Variants in PAK2 observed in about 807,000 individuals in gnomAD.
PAK2 encodes the protein p21 (RAC1) activated kinase 2, also known as serine/threonine-protein kinase PAK 2.
In PAK2, 21 loss-of-function variants were observed where a neutral mutation model predicts 65.9. The ratio of observed to expected loss-of-function variants is 0.32; its 90% CI spans 0.23 to 0.46. PAK2 has a LOEUF of 0.46. PAK2 is among the 20% of genes least tolerant of loss of function. The probability of loss-of-function intolerance (pLI) is 1.00; values close to 1 mark genes in which losing one functional copy is unlikely to be tolerated. For synonymous variants in PAK2, 204 were observed against 219.7 expected (o/e 0.93, Z 0.63); for missense variants, 324 against 642.6 (o/e 0.50, Z 5.36).
At chr3:196,772,055 A>G (rs981403284) in intron 1 of PAK2, among the ~76,000 whole-genome samples, 5 of 152,034 alleles carry the variant, frequency 3.3e-5, no homozygotes, top group South Asian at 2.1e-4. Context: ...AGCTGCTTCT[A>G]TGTGTCCTTT....
chr3:196,772,768 G>A (rs1714399633), intron 1 of PAK2, among the ~76,000 whole-genome samples: 2 of 152,140 alleles, frequency 1.3e-5, no homozygotes, highest in East Asian at 1.9e-4. Context: ...GACGGGGCAG[G>A]TGGGGAGGGA....
Position 196,828,375 on chromosome 3 carries a change from A to T in PAK2, c.1545A>T (p.Ala515=). 2 of 1,609,468 alleles carry T rather than the reference A, an allele frequency of 1.2e-6. No homozygotes were observed. Among genetic ancestry groups the T allele is most frequent in the South Asian group, 2.2e-5 (2 of 90,832 alleles). ...CTAGCTTGACACCACTGATCATGGC[A>T]GCTAAAGAAGCAATGAAGAGTAACC... ...PLSSLTPLIM[A]AKEAMKSNR The change falls in exon 15 of 15, where the codon GCA becomes GCT. Residue 515 remains alanine, a synonymous_variant. Coordinates refer to ENST00000327134, the MANE Select transcript of PAK2 (RefSeq NM_002577.4).
intron 12 of PAK2, among the ~76,000 whole-genome samples, 179 bp downstream of exon 12, chr3:196,818,335 C>T (rs570521777): frequency 1.2e-4 from 19 of 152,192 alleles, no homozygotes; most frequent in Non-Finnish European, 2.1e-4. Context: ...AGAAAGGACT[C>T]GCTGGATAAG....
At chr3:196,773,900 G>T (rs950117479) in intron 1 of PAK2, among the ~76,000 whole-genome samples, 12 of 151,586 alleles carry the variant, frequency 7.9e-5, no homozygotes, top group Admixed American at 3.9e-4. Flanking sequence ...CAATTAGCCG[G>T]GCGTGGTGGC....
At position 196,832,387 on chromosome 3, in the gene PAK2, C is replaced by T. The variant is rs932962356; in HGVS notation, c.*3982C>T. 4 of 151,854 alleles carry T rather than the reference C, an allele frequency of 2.6e-5. No individual in the cohort carries two copies. Among genetic ancestry groups the T allele is most frequent in the East Asian group, 1.9e-4 (1 of 5,194 alleles). 9.4% of individuals were successfully genotyped at this position (151,854 alleles called of 1,614,324 possible). On this transcript the variant is annotated 3_prime_UTR_variant, in exon 15 of 15. Transcript: ENST00000327134. ...ATGCCTTTTATTTTTAATTTAATCC[C>T]GTTCAATTATTTAATTGTTATACAT...
At chr3:196,748,579 G>A (rs1048331576) in intron 1 of PAK2, among the ~76,000 whole-genome samples, 15 of 152,226 alleles carry the variant, frequency 9.9e-5, no homozygotes, top group African/African-American at 2.9e-4. Flanking sequence ...GAATTATATA[G>A]CGTGTAGCCT....
intron 13 of PAK2, among the ~76,000 whole-genome samples, chr3:196,824,843 A>G (rs1315043074): frequency 3.9e-5 from 6 of 151,980 alleles, no homozygotes; most frequent in Non-Finnish European, 8.8e-5. Flanking sequence ...AGGACTGTGT[A>G]ATGTAATACA....
intron 1 of PAK2, among the ~76,000 whole-genome samples, chr3:196,756,999 G>T (rs948221868): frequency 2.0e-5 from 3 of 152,174 alleles, no homozygotes; most frequent in Non-Finnish European, 4.4e-5. Flanking sequence ...GGAGGGGAAG[G>T]GGTTCTTATT....
At chr3:196,781,543 GTTTAAT>G (rs1008179071) in intron 1 of PAK2, among the ~76,000 whole-genome samples, 1 of 152,202 alleles carries the variant, frequency 6.6e-6, no homozygotes, top group African/African-American at 2.4e-5. Context: ...CATGCTCTGT[GTTTAAT>G]TTTGTCAGTA....
intron 10 of PAK2, among the ~76,000 whole-genome samples, chr3:196,813,533 CAG>C (rs1715895342): frequency 6.6e-6 from 1 of 150,966 alleles, no homozygotes; most frequent in South Asian, 2.1e-4. Flanking sequence ...AAAATGATAA[CAG>C]TGGTTTTATT....
intron 2 of PAK2, among the ~76,000 whole-genome samples, chr3:196,797,499 A>G (rs1434159562): frequency 4.0e-5 from 6 of 151,370 alleles, no homozygotes; most frequent in African/African-American, 9.7e-5. Context: ...CATGCCTGTA[A>G]TCCCAGCACT....
intron 1 of PAK2, among the ~76,000 whole-genome samples, chr3:196,740,416 C>A (rs1237435402): frequency 6.6e-6 from 1 of 152,152 alleles, no homozygotes; most frequent in Non-Finnish European, 1.5e-5. Flanking sequence ...TCTTCCTGGA[C>A]CCAGCCCTGC....
At position 196,789,499 on chromosome 3, in the gene PAK2, G is replaced by A. The variant is rs533847161; in HGVS notation, c.187+6666G>A. Among the ~76,000 whole-genome samples the A allele has an allele frequency of 7.3e-5, 9 of 123,576 alleles. No individual in the cohort carries two copies. The Admixed American group carries it at 7.5e-4, about 10-fold the overall frequency. 81.1% of individuals were successfully genotyped at this position (123,576 alleles called of 152,430 possible). On this transcript the variant is annotated intron_variant, in intron 2 of 14. Transcript: ENST00000327134. The stretch of plus-strand genomic sequence containing the variant: ...TCTTTTTTCTTTTTTGTTTCATCTT[G>A]TTGCCCAGGCTGGAATGCAATGGCG...
In PAK2 at chr3:196,742,054, A is replaced by G. The variant is rs532981116; in HGVS notation, c.-22+1897A>G. On this transcript the variant is annotated intron_variant, in intron 1 of 14. Coordinates refer to ENST00000327134, the MANE Select transcript of PAK2 (RefSeq NM_002577.4). The stretch of plus-strand genomic sequence containing the variant: ...CAGGCGATAGGGCTCTCTGATCTTT[A>G]TGATAGACAGGTTCCCAAGTAGATG... Among the ~76,000 whole-genome samples the G allele has an allele frequency of 4.1e-3, 617 of 151,524 alleles. 3 individuals are homozygous for G. The highest frequency in any genetic ancestry group is 0.014 in the African/African-American group (583 of 41,274).
At chr3:196,802,070 GCACT>G in intron 3 of PAK2, 43 bp downstream of exon 3, 2 of 963,724 alleles carry the variant, frequency 2.1e-6, no homozygotes, top group Non-Finnish European at 3.3e-6. Context: ...GTTTAAAATA[GCACT>G]CAAACATTTT....
intron 14 of PAK2, 42 bp downstream of exon 14, chr3:196,827,375 T>C: frequency 6.3e-7 from 1 of 1,581,232 alleles, no homozygotes; most frequent in Non-Finnish European, 8.6e-7. Context: ...TAGTTGACTT[T>C]TTTGGTAACC....
At chr3:196,825,469 C>T (rs1303586734) in intron 13 of PAK2, among the ~76,000 whole-genome samples, 3 of 151,852 alleles carry the variant, frequency 2.0e-5, no homozygotes, top group African/African-American at 7.3e-5. Flanking sequence ...CAGTGAAACC[C>T]CGTCTCTACT....
chr3:196,812,849 C>T lies in PAK2; in HGVS notation c.933C>T (p.Asp311=). ...ATCCCAACATCGTTAACTTTTTGGACAGGTAAGTATGACTATTCCTTAAAC... is the reference window on the plus strand; with the variant it reads ...ATCCCAACATCGTTAACTTTTTGGATAGGTAAGTATGACTATTCCTTAAAC... ...LKNPNIVNFL[D]SYLVGDELFV... Residue 311 remains aspartate (D), a splice_region_variant and synonymous_variant, in exon 10 of 15, where the codon GAC becomes GAT. Coordinates refer to ENST00000327134, the MANE Select transcript of PAK2 (RefSeq NM_002577.4). 7.5e-7 allele frequency: 1 copy of T among 1,338,668 alleles called. No individual in the cohort carries two copies. The highest frequency in any genetic ancestry group is 1.1e-6 in the Non-Finnish European group (1 of 932,038). The allele number at this position is 1,338,668 out of a possible 1,614,324, so 82.9% of individuals were successfully genotyped here.
At chr3:196,776,459 G>C (rs555073170) in intron 1 of PAK2, among the ~76,000 whole-genome samples, 2 of 152,258 alleles carry the variant, frequency 1.3e-5, no homozygotes, top group South Asian at 2.1e-4. Context: ...AATTCCGGTT[G>C]TTCAGACTTC....
Sources: gnomAD v4.1 joint callset for allele counts (sites outside exome capture counted in the v4.1 genomes callset) on GRCh38, gnomAD v4.1.1 for gene constraint, MANE v1.5 for transcripts, NCBI Gene and HGNC (gene_info 2026-07-23, HGNC 2026-07-21) for gene names.